Variants in BBS5 observed in about 807,000 individuals in gnomAD.
BBS5 encodes the protein BBSome complex member BBS5.
In BBS5, 39 loss-of-function variants were observed where a neutral mutation model predicts 50.2. The observed-to-expected ratio is 0.78, with a 90% CI of 0.60 to 1.01. The LOEUF is 1.01. BBS5 is among the 50% of genes least tolerant of loss of function. BBS5 has a pLI of 0.00. For synonymous variants in BBS5, 134 were observed against 133.1 expected, an observed-to-expected ratio of 1.01 and a Z score of -0.05; for missense variants, 356 against 401.5, an observed-to-expected ratio of 0.89 and a Z score of 0.97.
At chr2:169,480,924 C>T (rs1413654731) in intron 1 of BBS5, among the ~76,000 whole-genome samples, 1 of 151,868 alleles carries the variant, frequency 6.6e-6, no homozygotes, top group Non-Finnish European at 1.5e-5. Context: ...GTGATCCGCC[C>T]GCCTCGGCCT....
At chr2:169,485,098 G>C (rs756471150) in intron 2 of BBS5, among the ~76,000 whole-genome samples, 1 of 152,120 alleles carries the variant, frequency 6.6e-6, no homozygotes, top group Non-Finnish European at 1.5e-5. Flanking sequence ...TTTCTCCTGG[G>C]ACCGACAGAA....
intron 2 of BBS5, chr2:169,482,673 G>A (rs1683418574): frequency 6.8e-6 from 2 of 294,202 alleles, no homozygotes; most frequent in Middle Eastern, 1.1e-3. Context: ...GGTCATAGCT[G>A]TAGTACCTGG....
At position 169,504,825 on chromosome 2, in the gene BBS5, T is replaced by C. The variant is rs1683873734; in HGVS notation, c.*243T>C. ...CCGGCCGCGGCGCTGGCTTAAGCCA[T>C]GGCTGAGGGTAGCTGGATTCCTCAG... On this transcript the variant is annotated 3_prime_UTR_variant, in exon 12 of 12. Transcript: ENST00000295240. 16 of 1,599,168 alleles carry C rather than the reference T, an allele frequency of 1.0e-5. No homozygotes were observed. The highest frequency in any genetic ancestry group is 1.4e-5 in the Non-Finnish European group (16 of 1,172,044).
In BBS5 at chr2:169,479,541, G is replaced by A. The variant is rs976972103; in HGVS notation, c.-13G>A. On this transcript the variant is annotated 5_prime_UTR_variant, in exon 1 of 12. Coordinates refer to ENST00000295240, the MANE Select transcript of BBS5 (RefSeq NM_152384.3). ...ACGGCTGTGGAGAGATCCTGCCACG[G>A]GCCTTGTTCACCATGTCGGTGCTGG... 16 of 1,614,024 alleles carry A rather than the reference G, an allele frequency of 9.9e-6. No individual in the cohort carries two copies. The highest frequency in any genetic ancestry group is 2.2e-5 in the East Asian group (1 of 44,880).
intron 1 of BBS5, 125 bp from the exon 2 acceptor site, chr2:169,482,126 A>C (rs1683407608): frequency 2.7e-6 from 2 of 738,220 alleles, no homozygotes; most frequent in Non-Finnish European, 4.9e-6. Context: ...TAAATGCATG[A>C]ACATTTGGTA....
chr2:169,504,096 A>T (rs999167696), intron 10 of BBS5, among the ~76,000 whole-genome samples: 1 of 152,212 alleles, frequency 6.6e-6, no homozygotes, highest in African/African-American at 2.4e-5. Context: ...CACATTTTTT[A>T]CAACTTAAGG....
At chr2:169,480,255 A>G (rs980125176) in intron 1 of BBS5, among the ~76,000 whole-genome samples, 2 of 152,212 alleles carry the variant, frequency 1.3e-5, no homozygotes, top group African/African-American at 4.8e-5. Context: ...AATAGAAACC[A>G]TGTTTTTGGA....
chr2:169,491,144 G>T (rs999255894), intron 5 of BBS5, among the ~76,000 whole-genome samples: 20 of 152,096 alleles, frequency 1.3e-4, no homozygotes, highest in Admixed American at 2.6e-4. Context: ...TAAGTTTTGT[G>T]TCAACATCTG....
chr2:169,500,933 G>A (rs537727007), intron 9 of BBS5, among the ~76,000 whole-genome samples: 2 of 152,246 alleles, frequency 1.3e-5, no homozygotes, highest in South Asian at 4.1e-4. Flanking sequence ...TTTTGTGGAT[G>A]ACTGTAGATC....
chr2:169,497,683 T>G lies in BBS5; in HGVS notation c.675T>G (p.Ser225=), dbSNP rs1299275211. The change falls in exon 8 of 12, where the codon TCT becomes TCG. Residue 225 remains serine (S), a synonymous_variant. Transcript: ENST00000295240. ...KFGLALVIES[S]QQSGGYVLGF... ...GTTTAGCTCTTGTCATAGAAAGCTC[T>G]CAGCAGGTAAGATCTTGTATATTTT... 5.7e-6 allele frequency: 9 copies of G among 1,584,666 alleles called. No homozygotes were observed. The highest frequency in any genetic ancestry group is 7.8e-6 in the Non-Finnish European group (9 of 1,153,932).
chr2:169,483,151 G>A (rs1490972731), intron 2 of BBS5, among the ~76,000 whole-genome samples: 1 of 152,148 alleles, frequency 6.6e-6, no homozygotes, highest in African/African-American at 2.4e-5. Flanking sequence ...CATAGAGAAG[G>A]AACAGTAAAC....
Position 169,482,294 on chromosome 2 carries a change from G to T in BBS5, c.103G>T (p.Asp35Tyr). 1.2e-6 allele frequency: 2 copies of T among 1,609,922 alleles called. No homozygotes were observed. The highest frequency in any genetic ancestry group is 1.1e-5 in the South Asian group (1 of 90,996). ...RPGEVLIDCL[D>Y]SIEDTKGNNG... ...TGGAGAAGTCCTTATTGATTGTTTA[G>T]ATTCCATTGAAGACACCAAAGGAAA... The change falls in exon 2 of 12, where the codon GAT becomes TAT. Residue 35 changes from aspartate to tyrosine, a missense_variant. Coordinates refer to ENST00000295240, the MANE Select transcript of BBS5 (RefSeq NM_152384.3).
At chr2:169,504,081 C>A (rs1456274154) in intron 10 of BBS5, among the ~76,000 whole-genome samples, 4 of 152,006 alleles carry the variant, frequency 2.6e-5, no homozygotes, top group African/African-American at 9.7e-5. Context: ...TCATACATTA[C>A]AAAGCACATT....
intron 1 of BBS5, among the ~76,000 whole-genome samples, chr2:169,481,527 G>T (rs1484110715): frequency 6.6e-6 from 1 of 152,154 alleles, no homozygotes; most frequent in Non-Finnish European, 1.5e-5. Context: ...AAGCTTTTAA[G>T]CAGGGAAATG....
chr2:169,480,864 A>G (rs1683378977), intron 1 of BBS5, among the ~76,000 whole-genome samples: 1 of 151,782 alleles, frequency 6.6e-6, no homozygotes, highest in Non-Finnish European at 1.5e-5. Flanking sequence ...TATTTTTAGT[A>G]GAGACGGGGT....
intron 7 of BBS5, among the ~76,000 whole-genome samples, chr2:169,496,093 C>T (rs1683687313): frequency 6.6e-6 from 1 of 152,198 alleles, no homozygotes; most frequent in African/African-American, 2.4e-5. Flanking sequence ...TGTCTAGAAG[C>T]ATGGTATCCC....
intron 7 of BBS5, among the ~76,000 whole-genome samples, chr2:169,495,146 A>T (rs1308938131): frequency 6.6e-6 from 1 of 152,230 alleles, no homozygotes; most frequent in Non-Finnish European, 1.5e-5. Flanking sequence ...GAAAAGCAAC[A>T]TATTAAACAG....
chr2:169,504,581 G>A lies in BBS5; in HGVS notation c.1025G>A (p.Ter342=). 6.2e-7 allele frequency: 1 copy of A among 1,600,414 alleles called. No homozygotes were observed. Residue 342 remains the stop codon, a stop_retained_variant, in exon 12 of 12, where the codon TGA becomes TAA. Coordinates refer to ENST00000295240, the MANE Select transcript of BBS5 (RefSeq NM_152384.3). ...CAGGGACTTTGGGAAGTAATGAGTTGATTGACCTTGAGTTGAGATGGATTT... is the reference window on the plus strand; with the variant it reads ...CAGGGACTTTGGGAAGTAATGAGTTAATTGACCTTGAGTTGAGATGGATTT... ...TLQGLWEVMS[*]
intron 8 of BBS5, among the ~76,000 whole-genome samples, chr2:169,497,981 T>C (rs1234783903): frequency 6.6e-6 from 1 of 152,132 alleles, no homozygotes; most frequent in African/African-American, 2.4e-5. Flanking sequence ...CTTTACACAA[T>C]CCTACGATAC....
Sources: gnomAD v4.1 joint callset for allele counts (sites outside exome capture counted in the v4.1 genomes callset) on GRCh38, gnomAD v4.1.1 for gene constraint, MANE v1.5 for transcripts, NCBI Gene and HGNC (gene_info 2026-07-23, HGNC 2026-07-21) for gene names.